The following ARHGAP26 variants were observed in gnomAD, a reference collection of about 807,000 sequenced individuals.
ARHGAP26 encodes rho GTPase-activating protein 26.
In ARHGAP26, 38 loss-of-function variants were observed where a neutral mutation model predicts 104.8. That is an observed-to-expected ratio of 0.36 (90% CI 0.28 to 0.48). The LOEUF (loss-of-function observed/expected upper bound fraction) is 0.48. ARHGAP26 is among the 20% of genes least tolerant of loss of function. The pLI is 0.99. For synonymous variants in ARHGAP26, 341 were observed against 340.0 expected, an observed-to-expected ratio of 1.00 and a Z score of -0.03; for missense variants, 704 against 947.9, an observed-to-expected ratio of 0.74 and a Z score of 3.38.
In ARHGAP26 at chr5:142,993,464, C is replaced by T. The variant is rs1484482571; in HGVS notation, c.1108-20616C>T. 5.9e-5 allele frequency among the ~76,000 whole-genome samples: 9 copies of T among 152,196 alleles called. No individual in the cohort carries two copies. In the East Asian group the frequency reaches 7.7e-4, roughly 13 times the overall value. ...GATTGCAGGTGTGAGCCACCACGCC[C>T]GGCCCAATTTTTGTGTTTTTAATAA... On this transcript the variant is annotated intron_variant, in intron 11 of 22. Coordinates refer to ENST00000645722, the MANE Select transcript of ARHGAP26 (RefSeq NM_001135608.3).
At chr5:143,184,063 G>A (rs1318299099) in intron 20 of ARHGAP26, among the ~76,000 whole-genome samples, 1 of 152,200 alleles carries the variant, frequency 6.6e-6, no homozygotes, top group Non-Finnish European at 1.5e-5. Flanking sequence ...GTTTCATGGG[G>A]GAAAGGGGTT....
chr5:142,895,967 A>G (rs1490337928), intron 6 of ARHGAP26, among the ~76,000 whole-genome samples: 5 of 151,472 alleles, frequency 3.3e-5, no homozygotes, highest in Admixed American at 2.0e-4. Flanking sequence ...TTCAGTCTCC[A>G]TATATGAATA....
At chr5:142,902,463 T>C (rs1760498484) in intron 7 of ARHGAP26, among the ~76,000 whole-genome samples, 1 of 152,188 alleles carries the variant, frequency 6.6e-6, no homozygotes, top group Admixed American at 6.5e-5. Flanking sequence ...CAAAGGATGT[T>C]CTCTTGTCCA....
chr5:142,970,280 T>C (rs1299855011), intron 11 of ARHGAP26, among the ~76,000 whole-genome samples: 1 of 152,174 alleles, frequency 6.6e-6, no homozygotes, highest in Non-Finnish European at 1.5e-5. Context: ...AGGGTAAGGG[T>C]CATGAAATGA....
chr5:142,987,305 T>C (rs1313597028), intron 11 of ARHGAP26, among the ~76,000 whole-genome samples: 3 of 147,122 alleles, frequency 2.0e-5, no homozygotes, highest in African/African-American at 7.5e-5. Flanking sequence ...TTGCCTGTTA[T>C]TGGTGTATAG....
intron 20 of ARHGAP26, among the ~76,000 whole-genome samples, chr5:143,206,427 CCAAACTTTTGATTAG>C (rs1470051415): frequency 6.6e-6 from 1 of 152,232 alleles, no homozygotes. Context: ...CCTTTCCTCT[CCAAACTTTTGATTAG>C]CTACCCGTCA....
At chr5:143,081,581 C>T (rs903755920) in intron 17 of ARHGAP26, among the ~76,000 whole-genome samples, 2 of 152,102 alleles carry the variant, frequency 1.3e-5, no homozygotes, top group African/African-American at 2.4e-5. Context: ...ACCTACCATC[C>T]GAAGACGGTG....
At chr5:142,951,656 A>G (rs887014500) in intron 11 of ARHGAP26, among the ~76,000 whole-genome samples, 1 of 152,158 alleles carries the variant, frequency 6.6e-6, no homozygotes, top group African/African-American at 2.4e-5. Flanking sequence ...GTGAGTCCAG[A>G]TCTTCTGACT....
chr5:143,126,650 TC>T (rs1796760577), intron 18 of ARHGAP26, among the ~76,000 whole-genome samples: 1 of 152,212 alleles, frequency 6.6e-6, no homozygotes, highest in Non-Finnish European at 1.5e-5. Flanking sequence ...TTGCCAGACT[TC>T]CTAAGGGGAA....
chr5:142,813,085 C>T (rs896975965), intron 1 of ARHGAP26, among the ~76,000 whole-genome samples: 1 of 151,634 alleles, frequency 6.6e-6, no homozygotes, highest in Admixed American at 6.6e-5. Flanking sequence ...CTGTAGGTGC[C>T]GGCTACCATG....
intron 1 of ARHGAP26, among the ~76,000 whole-genome samples, chr5:142,863,343 G>A (rs538105901): frequency 1.8e-4 from 28 of 152,202 alleles, no homozygotes; most frequent in Admixed American, 1.5e-3. Flanking sequence ...TCCTGACCTC[G>A]TGATCCGCCC....
chr5:142,909,207 A>T (rs1305184939), intron 9 of ARHGAP26, among the ~76,000 whole-genome samples: 1 of 152,116 alleles, frequency 6.6e-6, no homozygotes, highest in Non-Finnish European at 1.5e-5. Context: ...TATCTGTTTG[A>T]GTCTCTGGAC....
chr5:143,089,089 C>G (rs1791031240), intron 17 of ARHGAP26, among the ~76,000 whole-genome samples: 1 of 152,146 alleles, frequency 6.6e-6, no homozygotes, highest in Non-Finnish European at 1.5e-5. Flanking sequence ...CGTACTGATT[C>G]TTTGAAAATA....
intron 1 of ARHGAP26, among the ~76,000 whole-genome samples, chr5:142,869,137 G>C (rs12519983): frequency 6.6e-6 from 1 of 151,768 alleles, no homozygotes; most frequent in Non-Finnish European, 1.5e-5. Context: ...CCTGTTGCAA[G>C]TTCTAACCTC....
chr5:143,021,686 A>T, intron 12 of ARHGAP26, among the ~76,000 whole-genome samples: 1 of 152,196 alleles, frequency 6.6e-6, no homozygotes, highest in East Asian at 1.9e-4. Context: ...TCATAAACTC[A>T]TTGTAAGAAT....
chr5:143,121,259 A>C, intron 18 of ARHGAP26, 112 bp downstream of exon 18: 1 of 1,121,732 alleles, frequency 8.9e-7, no homozygotes, highest in Non-Finnish European at 1.2e-6. Context: ...TTACACTGTC[A>C]TGACGATGAA....
intron 17 of ARHGAP26, among the ~76,000 whole-genome samples, chr5:143,118,527 T>C (rs1346409569): frequency 6.6e-6 from 1 of 152,180 alleles, no homozygotes; most frequent in African/African-American, 2.4e-5. Context: ...TTCCAGCACT[T>C]TGGGAGGCCA....
chr5:142,890,765 C>T (rs1173220932), intron 5 of ARHGAP26, among the ~76,000 whole-genome samples: 1 of 152,088 alleles, frequency 6.6e-6, no homozygotes, highest in Admixed American at 6.5e-5. Flanking sequence ...AAATGGTTTA[C>T]ATCATTTGGC....
chr5:143,202,049 A>G (rs1807822556), intron 20 of ARHGAP26, among the ~76,000 whole-genome samples: 1 of 152,200 alleles, frequency 6.6e-6, no homozygotes, highest in African/African-American at 2.4e-5. Context: ...GTGGTAGTAT[A>G]AGTCTCTTTG....
Sources: gnomAD v4.1 joint callset for allele counts (sites outside exome capture counted in the v4.1 genomes callset) on GRCh38, gnomAD v4.1.1 for gene constraint, MANE v1.5 for transcripts, NCBI Gene and HGNC (gene_info 2026-07-23, HGNC 2026-07-21) for gene names.